Variants in SAMTOR observed in about 807,000 individuals in gnomAD.
SAMTOR encodes UPF0532 protein C7orf60.
the SAMTOR span, among the ~76,000 whole-genome samples, chr7:112,913,418 T>C: frequency 6.6e-6 from 1 of 152,232 alleles, no homozygotes; most frequent in African/African-American, 2.4e-5. Context: ...ATTCACCAAC[T>C]GTTTAACTAT....
At chr7:112,910,243 C>T in the SAMTOR span, among the ~76,000 whole-genome samples, 1 of 152,024 alleles carries the variant, frequency 6.6e-6, no homozygotes, top group East Asian at 1.9e-4. Flanking sequence ...AACCCCACAA[C>T]CCCGTTGTCC....
At chr7:112,894,278 A>G in the SAMTOR span, among the ~76,000 whole-genome samples, 7 of 152,108 alleles carry the variant, frequency 4.6e-5, no homozygotes, top group Non-Finnish European at 8.8e-5. Flanking sequence ...CATTTATTGA[A>G]TAAGTTCACT....
the SAMTOR span, among the ~76,000 whole-genome samples, chr7:112,920,153 G>T: frequency 1.3e-5 from 2 of 152,136 alleles, no homozygotes; most frequent in African/African-American, 4.8e-5. Context: ...CCAAAAAAGA[G>T]AATTTTAGAC....
the SAMTOR span, among the ~76,000 whole-genome samples, chr7:112,919,522 C>T: frequency 6.6e-6 from 1 of 152,070 alleles, no homozygotes; most frequent in Non-Finnish European, 1.5e-5. Flanking sequence ...GACACCCTAA[C>T]ATCACAATTA....
chr7:112,877,537 A>C, the SAMTOR span, among the ~76,000 whole-genome samples: 1 of 152,198 alleles, frequency 6.6e-6, no homozygotes, highest in Admixed American at 6.5e-5. Context: ...TACGAACATA[A>C]ATAATTTCTG....
At chr7:112,915,493 C>G in the SAMTOR span, 3 of 1,445,040 alleles carry the variant, frequency 2.1e-6, no homozygotes, top group Non-Finnish European at 9.2e-7. Context: ...TGAAACATGT[C>G]AGACTCTTGA....
the SAMTOR span, chr7:112,935,337 T>G: frequency 5.8e-6 from 2 of 347,244 alleles, no homozygotes; most frequent in Non-Finnish European, 1.1e-5. Context: ...TTCAAAACTT[T>G]GTTTCTGGAA....
At chr7:112,901,914 T>A in the SAMTOR span, among the ~76,000 whole-genome samples, 1 of 152,142 alleles carries the variant, frequency 6.6e-6, no homozygotes, top group Non-Finnish European at 1.5e-5. Flanking sequence ...GGTGGATGGA[T>A]AAACTGTGAT....
chr7:112,827,555 T>C, the SAMTOR span, among the ~76,000 whole-genome samples: 1 of 152,194 alleles, frequency 6.6e-6, no homozygotes. Context: ...GGAACCACTG[T>C]ACATACCCAA....
At chr7:112,919,229 A>G in the SAMTOR span, among the ~76,000 whole-genome samples, 1 of 152,214 alleles carries the variant, frequency 6.6e-6, no homozygotes, top group Non-Finnish European at 1.5e-5. Context: ...GTAAAAGAAC[A>G]GAAATTACAA....
At chr7:112,835,292 C>T in the SAMTOR span, among the ~76,000 whole-genome samples, 3 of 152,086 alleles carry the variant, frequency 2.0e-5, no homozygotes, top group African/African-American at 7.2e-5. Flanking sequence ...TTCATCCTCT[C>T]CTATCACCCA....
At chr7:112,835,581 C>G in the SAMTOR span, among the ~76,000 whole-genome samples, 1 of 152,024 alleles carries the variant, frequency 6.6e-6, no homozygotes, top group Non-Finnish European at 1.5e-5. Context: ...TATTTTGTCA[C>G]CCAGGTAATA....
the SAMTOR span, among the ~76,000 whole-genome samples, chr7:112,879,083 G>A: frequency 1.7e-3 from 256 of 151,706 alleles, 1 homozygote; most frequent in African/African-American, 5.9e-3. Context: ...GGGAACTCTG[G>A]AAGAGGAATC....
the SAMTOR span, chr7:112,822,343 G>GT: frequency 6.2e-7 from 1 of 1,606,984 alleles, no homozygotes; most frequent in Non-Finnish European, 8.5e-7. Flanking sequence ...TGCTGAAGCT[G>GT]TAAGTTCAGG....
chr7:112,870,457 T>C, the SAMTOR span, among the ~76,000 whole-genome samples: 1 of 152,070 alleles, frequency 6.6e-6, no homozygotes, highest in Non-Finnish European at 1.5e-5. Context: ...GCTTCATATA[T>C]GAAGGAGAAA....
the SAMTOR span, among the ~76,000 whole-genome samples, chr7:112,937,233 T>C: frequency 6.6e-6 from 1 of 152,174 alleles, no homozygotes; most frequent in Non-Finnish European, 1.5e-5. Context: ...GCTAAGAGGT[T>C]CCTTCTAGTC....
At chr7:112,916,937 A>C in the SAMTOR span, among the ~76,000 whole-genome samples, 1 of 152,202 alleles carries the variant, frequency 6.6e-6, no homozygotes, top group Non-Finnish European at 1.5e-5. Flanking sequence ...ACAAAGCAGC[A>C]GGGAAGCTCG....
chr7:112,905,441 TC>T, the SAMTOR span, among the ~76,000 whole-genome samples: 73 of 152,274 alleles, frequency 4.8e-4, no homozygotes, highest in South Asian at 5.8e-3. Flanking sequence ...AAAACATTTT[TC>T]CAAATTCATT....
the SAMTOR span, among the ~76,000 whole-genome samples, chr7:112,874,984 T>C: frequency 6.6e-6 from 1 of 152,248 alleles, no homozygotes; most frequent in South Asian, 2.1e-4. Flanking sequence ...GGAATCTAAG[T>C]GCTAAGCGCT....
Sources: gnomAD v4.1 joint callset for allele counts (sites outside exome capture counted in the v4.1 genomes callset) on GRCh38, gnomAD v4.1.1 for gene constraint, MANE v1.5 for transcripts, NCBI Gene and HGNC (gene_info 2026-07-23, HGNC 2026-07-21) for gene names.